The following PADI4 variants were observed in gnomAD, a reference collection of about 807,000 sequenced individuals.
PADI4 encodes the protein peptidyl arginine deiminase 4.
PADI4 carries 62 observed loss-of-function variants against 75.0 expected under a neutral mutation model. The ratio of observed to expected loss-of-function variants is 0.83; its 90% CI spans 0.67 to 1.02. PADI4 has a LOEUF of 1.02. Ranked by LOEUF, PADI4 falls within the 50% of genes least tolerant of loss-of-function variation. The probability of loss-of-function intolerance (pLI) is 0.00; values close to 1 mark genes in which losing one functional copy is unlikely to be tolerated. For missense variants in PADI4, 845 were observed against 850.5 expected (o/e 0.99, Z 0.08); for synonymous variants, 361 against 348.1 (o/e 1.04, Z -0.41).
chr1:17,328,054 C>T (rs1188889687), intron 1 of PADI4, among the ~76,000 whole-genome samples: 1 of 151,992 alleles, frequency 6.6e-6, no homozygotes, highest in African/African-American at 2.4e-5. Flanking sequence ...CACTCTGTTG[C>T]CCAGGATGGA....
At chr1:17,353,171 C>T (rs1243506560) in intron 10 of PADI4, among the ~76,000 whole-genome samples, 1 of 152,092 alleles carries the variant, frequency 6.6e-6, no homozygotes, top group Non-Finnish European at 1.5e-5. Flanking sequence ...ATTGTTAAAT[C>T]TGTGGAATCA....
At position 17,346,012 on chromosome 1, in the gene PADI4, T is replaced by C; in HGVS notation, c.936-16T>C. 6.5e-7 allele frequency: 1 copy of C among 1,533,582 alleles called. No individual in the cohort carries two copies. Among genetic ancestry groups the C allele is most frequent in the Non-Finnish European group, 9.0e-7 (1 of 1,106,720 alleles). 95.0% of individuals were successfully genotyped at this position (1,533,582 alleles called of 1,614,324 possible). Reference sequence around the variant, plus strand: ...AATTCCAGAGCACTAAGGAGCTGCTTTTCTGCTCTCTCTAGTATTTTTGAA... The same window carrying C: ...AATTCCAGAGCACTAAGGAGCTGCTCTTCTGCTCTCTCTAGTATTTTTGAA... On this transcript the variant is annotated splice_polypyrimidine_tract_variant and intron_variant, in intron 8 of 15. Transcript: ENST00000375448. The surrounding 1 kb of genome is among the most constrained non-coding windows in gnomAD (Gnocchi z 4.3).
In PADI4 at chr1:17,356,095, T is replaced by C; in HGVS notation, c.1423T>C (p.Phe475Leu). Residue 475 changes from phenylalanine (F) to leucine (L), a missense_variant, in exon 12 of 16, where the codon TTC (phenylalanine) becomes CTC (leucine). Transcript: ENST00000375448. This position sits in a 1 kb window ranked among gnomAD's most constrained non-coding sequence, Gnocchi z 4.1. The stretch of plus-strand genomic sequence containing the variant: ...GCTGTCCGTGGGCCACGTGGACGAG[T>C]TCCTGAGCTTTGTGCCAGCACCCGA... The part of the protein sequence containing the change: ...DWLSVGHVDE[F>L]LSFVPAPDRK... 2 of 1,614,014 alleles carry C rather than the reference T, an allele frequency of 1.2e-6. No individual in the cohort carries two copies. The highest frequency in any genetic ancestry group is 2.2e-5 in the South Asian group (2 of 91,068).
At chr1:17,363,037 G>A (rs949868444) in intron 15 of PADI4, among the ~76,000 whole-genome samples, 1 of 152,028 alleles carries the variant, frequency 6.6e-6, no homozygotes. Context: ...AGCTGGTCTC[G>A]AGCTCCTGAC....
rs2301887 is a variant in PADI4 at position 17,356,428 on chromosome 1, C to T, written c.1527C>T (p.His509=). 300 of 1,612,442 alleles carry T rather than the reference C, an allele frequency of 1.9e-4. 2 individuals are homozygous for T. In the East Asian group the frequency reaches 5.9e-3, roughly 32 times the overall value. The part of the protein sequence containing the change: ...KLFQEQQNEG[H]GEALLFEGIK... The stretch of plus-strand genomic sequence containing the variant: ...TCCAGGAGCAGCAGAATGAGGGCCA[C>T]GGGGAGGCCCTGCTGTTCGAAGGGA... Residue 509 remains histidine, a synonymous_variant, in exon 13 of 16, where the codon CAC becomes CAT. Coordinates refer to ENST00000375448, the MANE Select transcript of PADI4 (RefSeq NM_012387.3). This position sits in a 1 kb window ranked among gnomAD's most constrained non-coding sequence, Gnocchi z 4.1.
At chr1:17,323,748 G>A (rs1171383112) in intron 1 of PADI4, among the ~76,000 whole-genome samples, 3 of 151,992 alleles carry the variant, frequency 2.0e-5, no homozygotes, top group Non-Finnish European at 4.4e-5. Context: ...TGAGAGGCTA[G>A]CTTAAGCCCA....
At chr1:17,352,181 A>G (rs1373220663) in intron 10 of PADI4, among the ~76,000 whole-genome samples, 4 of 144,418 alleles carry the variant, frequency 2.8e-5, no homozygotes, top group African/African-American at 5.3e-5. Context: ...GTGGTAGGAG[A>G]GGCGGTCAGG....
At position 17,354,596 on chromosome 1, in the gene PADI4, T is replaced by C. The variant is rs1394870867; in HGVS notation, c.1219T>C (p.Phe407Leu). 6.8e-6 allele frequency: 11 copies of C among 1,614,014 alleles called. No homozygotes were observed. Among genetic ancestry groups the C allele is most frequent in the Non-Finnish European group, 8.5e-6 (10 of 1,179,998 alleles). ...QTGGISGLDS[F>L]GNLEVSPPVT... ...AGGGGGTATCAGTGGACTGGACTCC[T>C]TTGGGAACCTGGAAGTGAGCCCCCC... Residue 407 changes from phenylalanine to leucine, a missense_variant, in exon 11 of 16, where the codon TTT becomes CTT. Physicochemically the swap from Phe to Leu is conservative, Grantham distance 22 (BLOSUM62 0). Coordinates refer to ENST00000375448, the MANE Select transcript of PADI4 (RefSeq NM_012387.3).
intron 14 of PADI4, 63 bp from the exon 15 acceptor site, chr1:17,359,217 T>TCCCCCA: frequency 3.1e-6 from 2 of 647,816 alleles, no homozygotes; most frequent in Non-Finnish European, 5.2e-6. Context: ...CCCCACACTG[T>TCCCCCA]CCCCCACCCC....
At chr1:17,311,012 G>T (rs779932405) in intron 1 of PADI4, among the ~76,000 whole-genome samples, 6 of 151,482 alleles carry the variant, frequency 4.0e-5, no homozygotes, top group African/African-American at 1.5e-4. Flanking sequence ...CAGGAGAATC[G>T]CTTGAACCCA....
At chr1:17,351,183 T>TGA (rs2074611894) in intron 10 of PADI4, among the ~76,000 whole-genome samples, 1 of 111,742 alleles carries the variant, frequency 8.9e-6, no homozygotes, top group Non-Finnish European at 1.8e-5. Flanking sequence ...GGGTGACAGA[T>TGA]GAGACCTTGT....
chr1:17,360,973 C>G (rs1346101945), intron 15 of PADI4, among the ~76,000 whole-genome samples: 1 of 152,196 alleles, frequency 6.6e-6, no homozygotes. Context: ...TTCCTTGGCC[C>G]CATTCCTCCC....
intron 13 of PADI4, among the ~76,000 whole-genome samples, chr1:17,358,587 TAAAA>T (rs138296957): frequency 1.8e-4 from 2 of 11,304 alleles, no homozygotes; most frequent in Non-Finnish European, 1.6e-4. Context: ...AAAATAATAA[TAAAA>T]ATAAAAATAT....
At chr1:17,361,436 G>C (rs1196909112) in intron 15 of PADI4, among the ~76,000 whole-genome samples, 1 of 152,240 alleles carries the variant, frequency 6.6e-6, no homozygotes, top group Non-Finnish European at 1.5e-5. Flanking sequence ...CATGAGACCA[G>C]ACTCTCTCCC....
intron 2 of PADI4, 70 bp from the exon 3 acceptor site, chr1:17,333,873 C>T: frequency 1.6e-6 from 2 of 1,212,702 alleles, no homozygotes; most frequent in South Asian, 1.2e-5. Flanking sequence ...TGAGCCGGCA[C>T]ATAGGAGGGG....
chr1:17,353,294 A>G (rs2074699319), intron 10 of PADI4, among the ~76,000 whole-genome samples: 1 of 152,140 alleles, frequency 6.6e-6, no homozygotes, highest in Non-Finnish European at 1.5e-5. Flanking sequence ...CCCCATCTCT[A>G]CAGGAAAGAA....
chr1:17,323,636 C>A (rs1332100140), intron 1 of PADI4, among the ~76,000 whole-genome samples: 1 of 152,144 alleles, frequency 6.6e-6, no homozygotes, highest in Non-Finnish European at 1.5e-5. Context: ...GGGTTCAAGA[C>A]TAGCCTGCAT....
intron 1 of PADI4, among the ~76,000 whole-genome samples, chr1:17,311,324 C>T (rs1228867324): frequency 6.6e-6 from 1 of 151,862 alleles, no homozygotes; most frequent in Non-Finnish European, 1.5e-5. Flanking sequence ...CACCCTGCTT[C>T]GCAGCCCACC....
At position 17,358,836 on chromosome 1, in the gene PADI4, A is replaced by C. The variant is rs546720575; in HGVS notation, c.1559-2A>C. 1.3e-6 allele frequency: 2 copies of C among 1,593,750 alleles called. No homozygotes were observed. Among genetic ancestry groups the C allele is most frequent in the South Asian group, 2.3e-5 (2 of 88,846 alleles). On this transcript the variant is annotated splice_acceptor_variant, in intron 13 of 15. Coordinates refer to ENST00000375448, the MANE Select transcript of PADI4 (RefSeq NM_012387.3). LOFTEE classifies it high-confidence loss of function. The stretch of plus-strand genomic sequence containing the variant: ...CCTTTTTTTTCTTTTTCTCCATGAC[A>C]GAAAAAAAACAGCAGAAAATAAAGA...
Sources: allele counts gnomAD v4.1 joint callset (sites outside exome capture counted in the v4.1 genomes callset), GRCh38; gene constraint gnomAD v4.1.1; non-coding constraint Gnocchi (gnomAD v3.1); transcripts MANE v1.5; gene names NCBI Gene and HGNC (gene_info 2026-07-23, HGNC 2026-07-21).